The following DMD variants were observed in gnomAD, a reference collection of about 807,000 sequenced individuals.
The protein encoded by DMD is mutant dystrophin.
A neutral mutation model predicts 330.1 loss-of-function variants in DMD; 63 were observed. That is an observed-to-expected ratio of 0.19 (90% CI 0.16 to 0.24). DMD has a LOEUF of 0.24. Among genes scored for constraint, DMD ranks in the 10% least tolerant of loss-of-function variants. The pLI, the probability that DMD is intolerant of heterozygous loss-of-function variation, is 1.00. For missense variants in DMD, 3,344 were observed against 2,684.1 expected (o/e 1.25, Z -5.43); for synonymous variants, 1,223 against 959.8 (o/e 1.27, Z -5.07).
chrX:32,399,164 C>T (rs1603632540), intron 30 of DMD, among the ~76,000 whole-genome samples: 1 of 112,089 alleles, frequency 8.9e-6, no homozygotes, highest in East Asian at 2.8e-4. Flanking sequence ...ACCTCCAGAA[C>T]ATTGGTCTAG....
chrX:32,436,174 T>G (rs2098260424), intron 29 of DMD, among the ~76,000 whole-genome samples: 1 of 112,199 alleles, frequency 8.9e-6, no homozygotes, highest in Admixed American at 9.4e-5. Context: ...AGCCTTGGGT[T>G]GAGCTCCTAT....
chrX:31,926,805 A>C (rs779599902), intron 47 of DMD, among the ~76,000 whole-genome samples: 2 of 111,916 alleles, frequency 1.8e-5, no homozygotes, highest in South Asian at 3.7e-4. Context: ...TGATATTAGG[A>C]TATGTTTGGA....
chrX:33,183,160 G>T (rs929509763), intron 1 of DMD, among the ~76,000 whole-genome samples: 2 of 111,743 alleles, frequency 1.8e-5, no homozygotes, highest in Non-Finnish European at 3.8e-5. Flanking sequence ...TAAAATTTGA[G>T]TTAGCCACTC....
At chrX:32,882,400 GGTTTCTGTCT>G (rs2084042977) in intron 2 of DMD, among the ~76,000 whole-genome samples, 1 of 112,117 alleles carries the variant, frequency 8.9e-6, no homozygotes, top group African/African-American at 3.2e-5. Context: ...TCACTCAAGT[GGTTTCTGTCT>G]GTTAACTGAC....
intron 44 of DMD, among the ~76,000 whole-genome samples, chrX:32,174,276 T>C (rs1294572557): frequency 8.9e-6 from 1 of 112,172 alleles, no homozygotes; most frequent in Admixed American, 9.5e-5. Context: ...ACATTATCAT[T>C]AACTACATTT....
chrX:31,475,527 T>C (rs1178331444), intron 59 of DMD, among the ~76,000 whole-genome samples: 1 of 112,470 alleles, frequency 8.9e-6, no homozygotes, highest in Non-Finnish European at 1.9e-5. Flanking sequence ...TTAATTGACA[T>C]ATTAACTAAT....
chrX:32,593,098 G>A (rs765091666), intron 13 of DMD, among the ~76,000 whole-genome samples: 1 of 112,993 alleles, frequency 8.9e-6, no homozygotes, highest in South Asian at 3.6e-4. Context: ...GCCAAGCACA[G>A]CCTGCCAGGC....
chrX:31,518,380 G>A lies in DMD; in HGVS notation c.8218-10927C>T, dbSNP rs2072447843. Among the ~76,000 whole-genome samples the A allele has an allele frequency of 3.7e-5, 4 of 106,741 alleles. No homozygotes were observed. In the Admixed American group the frequency reaches 4.3e-4, roughly 11 times the overall value. The allele number at this position is 106,741 out of a possible 115,157, so 92.7% of individuals were successfully genotyped here. On this transcript the variant is annotated intron_variant, in intron 55 of 78. Coordinates refer to ENST00000357033, the MANE Select transcript of DMD (RefSeq NM_004006.3). The stretch of plus-strand genomic sequence containing the variant: ...TTTCTGATATTGCTATACAGCCTCA[G>A]TGCTCATAATTGGGTGAGCATTTCC...
chrX:32,054,152 CA>C (rs2147567892), intron 44 of DMD, among the ~76,000 whole-genome samples: 1 of 87,229 alleles, frequency 1.1e-5, no homozygotes, highest in East Asian at 3.6e-4. Flanking sequence ...ACTGAGGAAC[CA>C]AAAAGAAAAT....
chrX:32,916,016 TA>T (rs2087768629), intron 2 of DMD, among the ~76,000 whole-genome samples: 2 of 111,727 alleles, frequency 1.8e-5, no homozygotes, highest in Admixed American at 1.9e-4. Context: ...ATAAATATAG[TA>T]TAATTAATAA....
chrX:32,065,891 G>A (rs888365110), intron 44 of DMD, among the ~76,000 whole-genome samples: 5 of 111,373 alleles, frequency 4.5e-5, no homozygotes, highest in Middle Eastern at 4.2e-3. Context: ...GTATGTGCAT[G>A]TTTTCAATAA....
intron 1 of DMD, among the ~76,000 whole-genome samples, chrX:33,116,152 C>T (rs2148461616): frequency 9.2e-6 from 1 of 109,004 alleles, no homozygotes; most frequent in Non-Finnish European, 1.9e-5. Context: ...GAGATGGTGC[C>T]ACTGCACTGC....
At chrX:31,429,078 T>C (rs1377389545) in intron 60 of DMD, among the ~76,000 whole-genome samples, 5 of 107,230 alleles carry the variant, frequency 4.7e-5, no homozygotes, top group Non-Finnish European at 9.6e-5. Flanking sequence ...GCTGAGATCA[T>C]GCCACTGCAC....
chrX:32,383,768 T>G (rs1331808248), intron 33 of DMD, among the ~76,000 whole-genome samples: 1 of 110,606 alleles, frequency 9.0e-6, no homozygotes, highest in Non-Finnish European at 1.9e-5. Flanking sequence ...GGGTTTGACA[T>G]CATTACGAGA....
At chrX:32,784,769 A>G (rs1431629973) in intron 7 of DMD, among the ~76,000 whole-genome samples, 5 of 111,896 alleles carry the variant, frequency 4.5e-5, no homozygotes, top group African/African-American at 6.5e-5. Context: ...TTTGACATAA[A>G]TATTTGTACA....
At chrX:32,132,143 C>T (rs892615644) in intron 44 of DMD, among the ~76,000 whole-genome samples, 1 of 111,409 alleles carries the variant, frequency 9.0e-6, no homozygotes, top group Non-Finnish European at 1.9e-5. Context: ...TACAAAAATA[C>T]AATATTAATA....
At chrX:32,700,976 A>C (rs943681073) in intron 7 of DMD, among the ~76,000 whole-genome samples, 1 of 112,215 alleles carries the variant, frequency 8.9e-6, no homozygotes, top group African/African-American at 3.2e-5. Flanking sequence ...TTTTTAAAGT[A>C]TTTTTAAAAA....
chrX:32,481,532 C>T (rs2041898975), intron 21 of DMD, among the ~76,000 whole-genome samples: 1 of 111,784 alleles, frequency 8.9e-6, no homozygotes, highest in African/African-American at 3.2e-5. Flanking sequence ...TCATCTTGTC[C>T]TAATCTTTCA....
chrX:32,371,418 T>C (rs920075519), intron 34 of DMD, among the ~76,000 whole-genome samples: 1 of 110,512 alleles, frequency 9.0e-6, no homozygotes, highest in East Asian at 2.8e-4. Context: ...ATGAACATAC[T>C]ATAGGACCAA....
Sources: gnomAD v4.1 joint callset for allele counts (sites outside exome capture counted in the v4.1 genomes callset) on GRCh38, gnomAD v4.1.1 for gene constraint, MANE v1.5 for transcripts, NCBI Gene and HGNC (gene_info 2026-07-23, HGNC 2026-07-21) for gene names.